DOCK1: variants seen among roughly 807,000 people sequenced by gnomAD.
DOCK1 encodes the protein dedicator of cytokinesis 1.
DOCK1 carries 138 observed loss-of-function variants against 262.7 expected under a neutral mutation model. The ratio of observed to expected loss-of-function variants is 0.53; its 90% CI spans 0.46 to 0.61. The LOEUF (loss-of-function observed/expected upper bound fraction) is 0.61. Among genes scored for constraint, DOCK1 ranks in the 20% least tolerant of loss-of-function variants. The pLI is 0.00. For missense variants in DOCK1, 1,908 were observed against 2,370.7 expected (o/e 0.80, Z 4.05); for synonymous variants, 866 against 867.4 (o/e 1.00, Z 0.03).
Position 127,209,042 on chromosome 10 carries a change from T to C in DOCK1, c.2848-38966T>C, listed in dbSNP as rs76802635. Among the ~76,000 whole-genome samples the C allele has an allele frequency of 9.4e-3, 1,430 of 152,320 alleles. 13 individuals are homozygous for C. The highest frequency in any genetic ancestry group is 0.012 in the Non-Finnish European group (838 of 68,024). On this transcript the variant is annotated intron_variant, in intron 27 of 51. Coordinates refer to ENST00000623213, the MANE Select transcript of DOCK1 (RefSeq NM_001290223.2). ...CTTAACCTACACTGCATTTTTTTCA[T>C]GTGTGTTTAACCGAAGGAAACATCT...
intron 23 of DOCK1, among the ~76,000 whole-genome samples, chr10:127,064,652 C>T (rs915375048): frequency 1.3e-5 from 2 of 152,212 alleles, no homozygotes; most frequent in East Asian, 3.9e-4. Context: ...CCCAGGCGCC[C>T]GCCGTGCCCA....
rs147321593 is a variant in DOCK1, at chr10:127,143,032, G to A, written c.2847+15268G>A. Among the ~76,000 whole-genome samples the A allele has an allele frequency of 1.2e-3, 190 of 152,248 alleles. 1 individual carries two copies. Among genetic ancestry groups the A allele is most frequent in the Non-Finnish European group, 2.1e-3 (140 of 68,030 alleles). ...TGTAGTAACACTTCTCCCCGCTGCC[G>A]CATGTGATTTTGCAGAGCGGCATCC... is the stretch of plus-strand genomic sequence containing the variant. On this transcript the variant is annotated intron_variant, in intron 27 of 51. Transcript: ENST00000623213.
chr10:127,130,145 G>A (rs1241752198), intron 27 of DOCK1, among the ~76,000 whole-genome samples: 1 of 144,342 alleles, frequency 6.9e-6, no homozygotes, highest in East Asian at 2.1e-4. Context: ...GTGCAGTGGT[G>A]CAATCTTGAC....
chr10:127,176,380 T>C lies in DOCK1; in HGVS notation c.2847+48616T>C, dbSNP rs1252251747. 6.2e-7 allele frequency: 1 copy of C among 1,607,940 alleles called. No individual in the cohort carries two copies. Among genetic ancestry groups the C allele is most frequent in the African/African-American group, 1.3e-5 (1 of 74,864 alleles). On this transcript the variant is annotated intron_variant, in intron 27 of 51. Transcript: ENST00000623213. The surrounding 1 kb of genome is among the most constrained non-coding windows in gnomAD (Gnocchi z 4.4). ...GACGTTGTGAGTATGCATTTGCCGG[T>C]GTCCTTACTGACCATGGTTCCTGCA...
chr10:127,385,193 C>T (rs1040121860), intron 38 of DOCK1, among the ~76,000 whole-genome samples: 8 of 152,130 alleles, frequency 5.3e-5, no homozygotes, highest in African/African-American at 1.4e-4. Flanking sequence ...GAGGTGTTTC[C>T]GTGCCCACAG....
rs915543792 is a variant in DOCK1, at chr10:127,095,890, G to A, written c.2446-10341G>A. 3.9e-5 allele frequency among the ~76,000 whole-genome samples: 6 copies of A among 152,130 alleles called. No individual in the cohort carries two copies. The East Asian group carries it at 9.6e-4, about 24-fold the overall frequency. On this transcript the variant is annotated intron_variant, in intron 23 of 51. Transcript: ENST00000623213. ...TCTCAGGAAGTTTGTACTTTTTTCA[G>A]TTTGGGCTTTGTGATACAGAAACAC...
At chr10:127,050,180 A>G (rs2044624917) in intron 21 of DOCK1, among the ~76,000 whole-genome samples, 1 of 151,590 alleles carries the variant, frequency 6.6e-6, no homozygotes, top group Non-Finnish European at 1.5e-5. Flanking sequence ...TCTGTAGGAC[A>G]GTTACTAGAG....
At chr10:127,249,146 G>A (rs1446550604) in intron 28 of DOCK1, among the ~76,000 whole-genome samples, 1 of 152,136 alleles carries the variant, frequency 6.6e-6, no homozygotes, top group Non-Finnish European at 1.5e-5. Flanking sequence ...TTCTAGAACA[G>A]GGGTTGTTGC....
At chr10:126,941,583 T>G (rs1009140846) in intron 1 of DOCK1, among the ~76,000 whole-genome samples, 2 of 152,042 alleles carry the variant, frequency 1.3e-5, no homozygotes, top group Non-Finnish European at 2.9e-5. Flanking sequence ...GGTGAAACCC[T>G]GTCTCTACTA....
chr10:127,213,505 T>C (rs1443391985), intron 27 of DOCK1, among the ~76,000 whole-genome samples: 1 of 152,238 alleles, frequency 6.6e-6, no homozygotes, highest in Non-Finnish European at 1.5e-5. Context: ...ATAAGTTCTC[T>C]TTAAAGAGAT....
At chr10:127,026,499 A>G (rs966728903) in intron 16 of DOCK1, 75 bp downstream of exon 16, 1 of 1,374,594 alleles carries the variant, frequency 7.3e-7, no homozygotes, top group Non-Finnish European at 1.0e-6. Flanking sequence ...GGCCACTCTC[A>G]GTTGTTCTGG....
chr10:126,921,138 T>C (rs1033216369), intron 1 of DOCK1, among the ~76,000 whole-genome samples: 1 of 150,184 alleles, frequency 6.7e-6, no homozygotes, highest in African/African-American at 2.5e-5. Context: ...AGGCAGAGGT[T>C]GCAGTGAGCC....
chr10:127,333,692 G>T (rs1298482077), intron 29 of DOCK1, among the ~76,000 whole-genome samples: 2 of 152,202 alleles, frequency 1.3e-5, no homozygotes, highest in Admixed American at 1.3e-4. Flanking sequence ...CTGCAGAGAG[G>T]CTTGGACCTT....
chr10:127,344,005 G>A (rs2063531011), intron 31 of DOCK1, among the ~76,000 whole-genome samples: 2 of 152,178 alleles, frequency 1.3e-5, no homozygotes. Context: ...AGCTTCCGGA[G>A]ATAATTCCTT....
chr10:127,011,511 A>G (rs1405854097), intron 11 of DOCK1, among the ~76,000 whole-genome samples: 1 of 152,170 alleles, frequency 6.6e-6, no homozygotes, highest in Non-Finnish European at 1.5e-5. Context: ...TTCATAGTGC[A>G]CTTCGCTGTG....
intron 35 of DOCK1, among the ~76,000 whole-genome samples, chr10:127,374,434 G>T (rs1404768856): frequency 6.6e-6 from 1 of 152,122 alleles, no homozygotes; most frequent in Non-Finnish European, 1.5e-5. Flanking sequence ...TTTTAATGTC[G>T]CTCTCCTTGT....
intron 18 of DOCK1, among the ~76,000 whole-genome samples, chr10:127,034,417 A>G (rs1227723915): frequency 1.3e-5 from 2 of 152,116 alleles, no homozygotes; most frequent in Non-Finnish European, 2.9e-5. Flanking sequence ...CCCATGATTC[A>G]ATTACCTCCC....
intron 28 of DOCK1, among the ~76,000 whole-genome samples, chr10:127,256,675 G>A (rs980594335): frequency 2.0e-5 from 3 of 152,164 alleles, no homozygotes; most frequent in South Asian, 2.1e-4. Context: ...TGGAAGCAGG[G>A]TAGAGCAGCT....
intron 23 of DOCK1, among the ~76,000 whole-genome samples, chr10:127,078,868 T>C (rs898389151): frequency 1.3e-5 from 2 of 152,190 alleles, no homozygotes; most frequent in Admixed American, 1.3e-4. Context: ...TTCATCCTTT[T>C]TCTGTCTGCC....
Sources: gnomAD v4.1 joint callset for allele counts (sites outside exome capture counted in the v4.1 genomes callset) on GRCh38, gnomAD v4.1.1 for gene constraint, Gnocchi (gnomAD v3.1) non-coding constraint, MANE v1.5 for transcripts, NCBI Gene and HGNC (gene_info 2026-07-23, HGNC 2026-07-21) for gene names.